PARD3B: variants seen among roughly 807,000 people sequenced by gnomAD.
PARD3B encodes the protein par-3 family cell polarity regulator beta, also known as partitioning defective 3 homolog B.
PARD3B carries 103 observed loss-of-function variants against 130.2 expected under a neutral mutation model. That is an observed-to-expected ratio of 0.79 (90% CI 0.67 to 0.93). The LOEUF (loss-of-function observed/expected upper bound fraction) is 0.93. Among genes scored for constraint, PARD3B ranks in the 40% least tolerant of loss-of-function variants. The pLI, the probability that PARD3B is intolerant of heterozygous loss-of-function variation, is 0.00. For missense variants in PARD3B, 1,609 were observed against 1,499.2 expected (o/e 1.07, Z -1.21); for synonymous variants, 583 against 553.2 (o/e 1.05, Z -0.76).
intron 3 of PARD3B, among the ~76,000 whole-genome samples, chr2:205,007,346 A>G (rs896106217): frequency 2.0e-5 from 3 of 152,164 alleles, no homozygotes; most frequent in Admixed American, 6.6e-5. Flanking sequence ...CTAATACGCC[A>G]TCTTGAGTTT....
intron 21 of PARD3B, 59 bp downstream of exon 21, chr2:205,500,090 G>T: frequency 6.4e-7 from 1 of 1,573,170 alleles, no homozygotes. Flanking sequence ...GTTTAGAGCA[G>T]AAGAACACGG....
intron 2 of PARD3B, among the ~76,000 whole-genome samples, chr2:204,703,380 C>T (rs1038185047): frequency 1.3e-5 from 2 of 152,156 alleles, no homozygotes; most frequent in Non-Finnish European, 2.9e-5. Context: ...AAATAAGATG[C>T]TTCTTGTTAA....
chr2:205,457,767 T>C (rs1036273716), intron 20 of PARD3B, among the ~76,000 whole-genome samples: 2 of 152,130 alleles, frequency 1.3e-5, no homozygotes, highest in Non-Finnish European at 2.9e-5. Context: ...TATCAAAGTT[T>C]GTTGTCAGAC....
intron 2 of PARD3B, among the ~76,000 whole-genome samples, chr2:204,699,439 C>G (rs954751112): frequency 6.6e-6 from 1 of 152,126 alleles, no homozygotes; most frequent in Admixed American, 6.5e-5. Context: ...GTTCTTTAAA[C>G]AAGCTTCAGA....
chr2:205,485,567 C>T (rs779961206), intron 20 of PARD3B, among the ~76,000 whole-genome samples: 6 of 152,168 alleles, frequency 3.9e-5, no homozygotes, highest in Non-Finnish European at 8.8e-5. Flanking sequence ...TTACAGAGAG[C>T]TAGCGTCTCC....
At chr2:204,577,645 C>G (rs1001553719) in intron 1 of PARD3B, among the ~76,000 whole-genome samples, 3 of 152,170 alleles carry the variant, frequency 2.0e-5, no homozygotes, top group African/African-American at 4.8e-5. Flanking sequence ...GATCATAGCT[C>G]ACCGTAACCT....
At chr2:204,793,671 C>A (rs1202453879) in intron 2 of PARD3B, among the ~76,000 whole-genome samples, 1 of 151,932 alleles carries the variant, frequency 6.6e-6, no homozygotes, top group Non-Finnish European at 1.5e-5. Flanking sequence ...CCAAGCCTGG[C>A]CAATTTTTTG....
At chr2:205,231,765 G>T (rs952718311) in intron 15 of PARD3B, among the ~76,000 whole-genome samples, 2 of 152,158 alleles carry the variant, frequency 1.3e-5, no homozygotes, top group African/African-American at 4.8e-5. Context: ...AAAGCAAGGG[G>T]GTTAGAGTGT....
At chr2:205,138,961 G>T (rs1244323976) in intron 10 of PARD3B, among the ~76,000 whole-genome samples, 1 of 152,150 alleles carries the variant, frequency 6.6e-6, no homozygotes, top group African/African-American at 2.4e-5. Context: ...CACTGCTGTG[G>T]GTAGCATAAG....
intron 20 of PARD3B, among the ~76,000 whole-genome samples, chr2:205,454,990 A>G (rs56911638): frequency 0.04 from 6,088 of 152,222 alleles, 419 homozygotes; most frequent in African/African-American, 0.14. Flanking sequence ...TACAACATTT[A>G]TATTAATTAG....
intron 2 of PARD3B, among the ~76,000 whole-genome samples, chr2:204,908,957 A>G (rs1446354625): frequency 2.0e-5 from 3 of 152,186 alleles, no homozygotes; most frequent in Non-Finnish European, 4.4e-5. Context: ...ATAAAGGCAT[A>G]AGTCTCAGTG....
At position 204,686,287 on chromosome 2, in the gene PARD3B, A is replaced by G. The variant is rs2037081833; in HGVS notation, c.222+5A>G. 1 of 1,594,026 alleles carries G rather than the reference A, an allele frequency of 6.3e-7. No individual in the cohort carries two copies. The highest frequency in any genetic ancestry group is 1.1e-5 in the South Asian group (1 of 90,722). On this transcript the variant is annotated splice_donor_5th_base_variant and intron_variant, in intron 2 of 22. Transcript: ENST00000406610. ...GTTGTTGAAGATAAAGACAAGGTAG[A>G]TAACTCTAAAAATGTGCCTCTTTGT...
chr2:204,883,455 A>ATAAAATATATATATATATATATATT lies in PARD3B; in HGVS notation c.223-81696_223-81695insAAAATATATATATATATATATATTT, dbSNP rs1377428928. On this transcript the variant is annotated intron_variant, in intron 2 of 22. Transcript: ENST00000406610. ...ATAAAATATATATATATATATATATATTTTTTTTTTTGAGACAGAGTCTCA... is the reference window on the plus strand; with the variant it reads ...ATAAAATATATATATATATATATATATAAAATATATATATATATATATATTTTTTTTTTTTTGAGACAGAGTCTCA... 4.3e-4 allele frequency among the ~76,000 whole-genome samples: 33 copies of ATAAAATATATATATATATATATATT among 77,276 alleles called. 1 individual carries two copies. Among genetic ancestry groups the ATAAAATATATATATATATATATATT allele is most frequent in the Non-Finnish European group, 7.2e-4 (31 of 43,018 alleles). 50.7% of individuals were successfully genotyped at this position (77,276 alleles called of 152,430 possible).
At position 205,091,201 on chromosome 2, in the gene PARD3B, A is replaced by G. The variant is rs1037056578; in HGVS notation, c.505-13225A>G. Among the ~76,000 whole-genome samples, 2 of 152,228 alleles carry G rather than the reference A, an allele frequency of 1.3e-5. No homozygotes were observed. The highest frequency in any genetic ancestry group is 1.3e-4 in the Admixed American group (2 of 15,290). ...CCCCAAAGTAGCCAACAAATGGAATAGAAGTTAAGAACATAAGACCTTTAG... is the reference window on the plus strand; with the variant it reads ...CCCCAAAGTAGCCAACAAATGGAATGGAAGTTAAGAACATAAGACCTTTAG... On this transcript the variant is annotated intron_variant, in intron 4 of 22. Transcript: ENST00000406610. The surrounding 1 kb of genome is among the most constrained non-coding windows in gnomAD (Gnocchi z 4.2).
rs376753556 is a variant in PARD3B, at chr2:204,699,222, G to T, written c.222+12940G>T. 9.7e-4 allele frequency among the ~76,000 whole-genome samples: 148 copies of T among 152,210 alleles called. 1 individual carries two copies. Among genetic ancestry groups the T allele is most frequent in the African/African-American group, 3.5e-3 (147 of 41,546 alleles). ...AGTAAAGCCTGGAGACTCCCAGGGA[G>T]CCCTGGGCCCCTAAATGGGGCAGAC... On this transcript the variant is annotated intron_variant, in intron 2 of 22. Coordinates refer to ENST00000406610, the MANE Select transcript of PARD3B (RefSeq NM_001302769.2).
intron 2 of PARD3B, among the ~76,000 whole-genome samples, chr2:204,915,783 A>G (rs996173799): frequency 3.3e-5 from 5 of 152,190 alleles, no homozygotes; most frequent in Non-Finnish European, 7.4e-5. Flanking sequence ...CCTGTTCACT[A>G]GGTTTTTCTG....
chr2:204,713,543 T>G (rs2038567641), intron 2 of PARD3B, among the ~76,000 whole-genome samples: 2 of 152,004 alleles, frequency 1.3e-5, no homozygotes, highest in Non-Finnish European at 2.9e-5. Context: ...CTGTGCCCAT[T>G]AAACACTAGT....
chr2:204,996,357 G>A (rs1575510351), intron 3 of PARD3B, among the ~76,000 whole-genome samples: 1 of 152,080 alleles, frequency 6.6e-6, no homozygotes, highest in Non-Finnish European at 1.5e-5. Context: ...GTGTCAGTGT[G>A]CCCCTGCTGG....
intron 2 of PARD3B, among the ~76,000 whole-genome samples, chr2:204,718,814 C>A (rs2038861832): frequency 6.6e-6 from 1 of 152,146 alleles, no homozygotes; most frequent in Non-Finnish European, 1.5e-5. Context: ...TATCCCTGAG[C>A]AATCAGTTGT....
Sources: gnomAD v4.1 joint callset for allele counts (sites outside exome capture counted in the v4.1 genomes callset) on GRCh38, gnomAD v4.1.1 for gene constraint, Gnocchi (gnomAD v3.1) non-coding constraint, MANE v1.5 for transcripts, NCBI Gene and HGNC (gene_info 2026-07-23, HGNC 2026-07-21) for gene names.